TJP1: variants seen among roughly 807,000 people sequenced by gnomAD.
The protein encoded by TJP1 is tight junction protein 1, also known as tight junction protein ZO-1.
Under a neutral mutation model 194.2 loss-of-function variants are expected in TJP1, and 43 were observed. That is an observed-to-expected ratio of 0.22 (90% CI 0.17 to 0.29). The LOEUF is 0.29. Ranked by LOEUF, TJP1 falls within the 10% of genes least tolerant of loss-of-function variation. The pLI is 1.00. For synonymous variants in TJP1, 801 were observed against 779.0 expected (o/e 1.03, Z -0.47); for missense variants, 1,971 against 2,185.7 (o/e 0.90, Z 1.96).
intron 23 of TJP1, among the ~76,000 whole-genome samples, chr15:29,715,577 C>A (rs2042513509): frequency 6.6e-6 from 1 of 152,168 alleles, no homozygotes; most frequent in Non-Finnish European, 1.5e-5. Context: ...AAGGAAAAAT[C>A]TAGGTGCTTT....
intron 2 of TJP1, among the ~76,000 whole-genome samples, chr15:29,861,711 A>G (rs552296365): frequency 6.6e-6 from 1 of 152,318 alleles, no homozygotes; most frequent in African/African-American, 2.4e-5. Context: ...TAGGATTTGC[A>G]AACATTGTCT....
chr15:29,883,019 A>G (rs902574422), intron 2 of TJP1, among the ~76,000 whole-genome samples: 3 of 152,218 alleles, frequency 2.0e-5, no homozygotes, highest in Non-Finnish European at 4.4e-5. Context: ...TGTTTGAAAG[A>G]GCTAACCTAA....
At chr15:29,730,708 C>A in intron 15 of TJP1, 1 of 764,290 alleles carries the variant, frequency 1.3e-6, no homozygotes, top group Admixed American at 1.7e-5. Flanking sequence ...GTCGCCACCG[C>A]CACCATGCCC....
chr15:29,803,277 T>C (rs1401476589), intron 1 of TJP1, among the ~76,000 whole-genome samples: 1 of 152,170 alleles, frequency 6.6e-6, no homozygotes, highest in Non-Finnish European at 1.5e-5. Flanking sequence ...GTCCCTGACT[T>C]AGGATGGGTC....
intron 2 of TJP1, chr15:29,956,193 CTT>C (rs1192769489): frequency 1.7e-6 from 2 of 1,172,128 alleles, no homozygotes; most frequent in Non-Finnish European, 2.2e-6. Context: ...CTTTCATACT[CTT>C]TGGAAAAATG....
chr15:29,716,625 A>G lies in TJP1; in HGVS notation c.4188T>C (p.Ser1396=). Reference sequence around the variant, plus strand: ...AAATAGCTTACTTTGAAGAATAACTAGAAAAATTTGATTGATTCTGAGAAT... The same window carrying G: ...AAATAGCTTACTTTGAAGAATAACTGGAAAAATTTGATTGATTCTGAGAAT... The part of the protein sequence containing the change: ...PAHSQNQSNF[S]SYSSKGKPPE... Residue 1396 remains serine, a synonymous_variant, in exon 23 of 28, where the codon TCT becomes TCC. Transcript: ENST00000614355. The G allele has an allele frequency of 6.2e-7, 1 of 1,612,290 alleles. No individual in the cohort carries two copies. The highest frequency in any genetic ancestry group is 8.5e-7 in the Non-Finnish European group (1 of 1,178,456).
intron 2 of TJP1, among the ~76,000 whole-genome samples, chr15:29,948,534 T>C (rs1460114012): frequency 6.6e-6 from 1 of 152,186 alleles, no homozygotes; most frequent in Admixed American, 6.5e-5. Context: ...AAGAGAACTT[T>C]AGGGGAAGTT....
At chr15:29,702,924 AAAGTG>A (rs2041645305) in intron 27 of TJP1, among the ~76,000 whole-genome samples, 1 of 151,242 alleles carries the variant, frequency 6.6e-6, no homozygotes, top group Non-Finnish European at 1.5e-5. Flanking sequence ...AGGTTCGCTT[AAAGTG>A]ATCTACACCC....
At chr15:29,872,521 A>G (rs1484637487) in intron 2 of TJP1, among the ~76,000 whole-genome samples, 1 of 152,218 alleles carries the variant, frequency 6.6e-6, no homozygotes, top group Admixed American at 6.5e-5. Context: ...CTTAAGGCAC[A>G]TAACCTCTTT....
At chr15:29,916,967 C>T (rs1257234224) in intron 2 of TJP1, among the ~76,000 whole-genome samples, 1 of 152,108 alleles carries the variant, frequency 6.6e-6, no homozygotes, top group Non-Finnish European at 1.5e-5. Context: ...CACACAGAAC[C>T]CCCCCTCCAC....
chr15:29,949,189 C>A (rs1051129101), intron 2 of TJP1, among the ~76,000 whole-genome samples: 1 of 149,020 alleles, frequency 6.7e-6, no homozygotes, highest in Non-Finnish European at 1.5e-5. Context: ...CCATCACCTC[C>A]ACCACCAGCA....
chr15:29,936,398 G>A (rs1490540192), intron 2 of TJP1, among the ~76,000 whole-genome samples: 3 of 152,096 alleles, frequency 2.0e-5, no homozygotes, highest in Non-Finnish European at 4.4e-5. Flanking sequence ...TGCCTTCCCC[G>A]GTCCAGCCTG....
rs996628287 is a variant in TJP1 at position 29,740,169 on chromosome 15, T to G, written c.1256+1162A>C. 2.6e-5 allele frequency among the ~76,000 whole-genome samples: 4 copies of G among 151,428 alleles called. No homozygotes were observed. The South Asian group carries it at 6.3e-4, about 24-fold the overall frequency. On this transcript the variant is annotated intron_variant, in intron 10 of 27. Coordinates refer to ENST00000614355, the MANE Select transcript of TJP1 (RefSeq NM_001330239.4). Reference sequence around the variant, plus strand: ...TTTTTGTATTTTTAGTAGAGATGGGTTTTCACCATGTTAGCCAGGATGGTC... The same window carrying G: ...TTTTTGTATTTTTAGTAGAGATGGGGTTTCACCATGTTAGCCAGGATGGTC...
chr15:29,804,226 GTAA>G (rs2048974397), intron 1 of TJP1, among the ~76,000 whole-genome samples: 1 of 152,082 alleles, frequency 6.6e-6, no homozygotes, highest in Non-Finnish European at 1.5e-5. Flanking sequence ...ACGTAAATAT[GTAA>G]TAATGCAAAT....
intron 1 of TJP1, among the ~76,000 whole-genome samples, chr15:29,967,328 A>G (rs1320472629): frequency 1.3e-5 from 2 of 151,876 alleles, no homozygotes; most frequent in Non-Finnish European, 2.9e-5. Context: ...GAGCCACTAT[A>G]CCCGGCACAT....
chr15:29,955,098 A>G (rs1454110906), intron 2 of TJP1, among the ~76,000 whole-genome samples: 2 of 152,134 alleles, frequency 1.3e-5, no homozygotes, highest in African/African-American at 2.4e-5. Context: ...AAAAATAATA[A>G]TAATAGAGTA....
intron 18 of TJP1, among the ~76,000 whole-genome samples, chr15:29,724,770 C>G (rs933161283): frequency 6.6e-6 from 1 of 152,170 alleles, no homozygotes; most frequent in Admixed American, 6.5e-5. Flanking sequence ...GTTGTAACAA[C>G]CTTTTCTGGC....
At chr15:29,767,970 C>G (rs1456032759) in intron 4 of TJP1, among the ~76,000 whole-genome samples, 1 of 152,096 alleles carries the variant, frequency 6.6e-6, no homozygotes, top group African/African-American at 2.4e-5. Flanking sequence ...CTTTATTTAC[C>G]TAAAATCTGT....
intron 2 of TJP1, among the ~76,000 whole-genome samples, chr15:29,879,038 C>T (rs768967087): frequency 2.6e-5 from 4 of 152,042 alleles, no homozygotes; most frequent in Non-Finnish European, 5.9e-5. Flanking sequence ...GCAGGAGAAT[C>T]GCTTGAACCT....
Sources: allele counts gnomAD v4.1 joint callset (sites outside exome capture counted in the v4.1 genomes callset), GRCh38; gene constraint gnomAD v4.1.1; transcripts MANE v1.5; gene names NCBI Gene and HGNC (gene_info 2026-07-23, HGNC 2026-07-21).